The following GNG7 variants were observed in gnomAD, a reference collection of about 807,000 sequenced individuals.
GNG7 encodes G protein subunit gamma 7.
A neutral mutation model predicts 4.0 loss-of-function variants in GNG7; 1 was observed. That is an observed-to-expected ratio of 0.25 (90% CI 0.09 to 1.18). The LOEUF (loss-of-function observed/expected upper bound fraction) is 1.18, where lower values mean the gene tolerates loss of function less well. Among genes scored for constraint, GNG7 ranks in the 50% most tolerant of loss-of-function variants. GNG7 has a pLI of 0.50. For missense variants in GNG7, 86 were observed against 91.9 expected (o/e 0.94, Z 0.26); for synonymous variants, 34 against 36.9 (o/e 0.92, Z 0.29).
At chr19:2,538,383 G>A in intron 3 of GNG7, 2 of 425,674 alleles carry the variant, frequency 4.7e-6, no homozygotes, top group Admixed American at 5.0e-5. Context: ...ACCACTTTGG[G>A]AGGCCAAGGC....
At chr19:2,624,235 AAAAG>A (rs908387453) in intron 2 of GNG7, among the ~76,000 whole-genome samples, 5 of 152,128 alleles carry the variant, frequency 3.3e-5, no homozygotes, top group South Asian at 2.1e-4. Context: ...CACAATTAAA[AAAAG>A]AAAGAAAGGG....
At chr19:2,564,527 T>TG (rs1361312132) in intron 2 of GNG7, among the ~76,000 whole-genome samples, 1 of 152,100 alleles carries the variant, frequency 6.6e-6, no homozygotes, top group African/African-American at 2.4e-5. Flanking sequence ...TGAGCCAAGA[T>TG]GGTGCCACCG....
chr19:2,643,974 A>G, intron 2 of GNG7: 1 of 206,936 alleles, frequency 4.8e-6, no homozygotes, highest in South Asian at 7.0e-5. Context: ...TCATAAATAA[A>G]TATTATACAT....
intron 2 of GNG7, among the ~76,000 whole-genome samples, chr19:2,619,749 G>C (rs1348836215): frequency 6.6e-6 from 1 of 152,150 alleles, no homozygotes; most frequent in Non-Finnish European, 1.5e-5. Flanking sequence ...GGATGCGTGT[G>C]TGGCAGGGCT....
At chr19:2,577,515 G>A (rs779188219) in intron 2 of GNG7, among the ~76,000 whole-genome samples, 1 of 151,952 alleles carries the variant, frequency 6.6e-6, no homozygotes, top group Non-Finnish European at 1.5e-5. Context: ...AACCAGCAGG[G>A]GAGTGTCTTC....
intron 1 of GNG7, among the ~76,000 whole-genome samples, chr19:2,659,610 A>AAAAAAAAAAAAGAG (rs5826778): frequency 1.6e-5 from 2 of 121,450 alleles, no homozygotes; most frequent in African/African-American, 6.5e-5. Context: ...AAAAAAAAAA[A>AAAAAAAAAAAAGAG]AGAGAGGAGG....
intron 3 of GNG7, among the ~76,000 whole-genome samples, chr19:2,523,279 T>C (rs998133188): frequency 2.0e-5 from 3 of 151,330 alleles, no homozygotes; most frequent in African/African-American, 7.3e-5. Context: ...CAGCCAGGCA[T>C]GGTGGCTCTT....
intron 1 of GNG7, among the ~76,000 whole-genome samples, chr19:2,648,628 G>A (rs547890604): frequency 1.2e-3 from 181 of 152,298 alleles, no homozygotes; most frequent in African/African-American, 4.1e-3. Flanking sequence ...AATCCTCACT[G>A]TCACCTGCAG....
intron 2 of GNG7, among the ~76,000 whole-genome samples, chr19:2,625,523 TTC>T (rs545581188): frequency 2.6e-4 from 39 of 152,010 alleles, no homozygotes; most frequent in African/African-American, 8.9e-4. Flanking sequence ...TTAGCCAGAC[TTC>T]TCTCTTCTCC....
intron 1 of GNG7, among the ~76,000 whole-genome samples, chr19:2,671,275 C>G (rs1983445386): frequency 6.6e-6 from 1 of 151,856 alleles, no homozygotes; most frequent in Non-Finnish European, 1.5e-5. Context: ...CAACTCCCAG[C>G]AGCTCAGGAG....
chr19:2,667,425 C>T (rs1365656851), intron 1 of GNG7, among the ~76,000 whole-genome samples: 1 of 152,126 alleles, frequency 6.6e-6, no homozygotes, highest in East Asian at 1.9e-4. Flanking sequence ...ATCTTCTGTG[C>T]GTGAATACCT....
intron 1 of GNG7, among the ~76,000 whole-genome samples, chr19:2,665,209 G>A (rs754252199): frequency 6.6e-6 from 1 of 152,164 alleles, no homozygotes; most frequent in Non-Finnish European, 1.5e-5. Context: ...CCCAGGCACG[G>A]TGGACACTGG....
intron 3 of GNG7, among the ~76,000 whole-genome samples, chr19:2,549,837 G>C (rs1979258773): frequency 6.6e-6 from 1 of 152,192 alleles, no homozygotes; most frequent in African/African-American, 2.4e-5. Flanking sequence ...AAAGTTCCTT[G>C]TGACAGTGAG....
chr19:2,620,646 G>A (rs1338544406), intron 2 of GNG7, among the ~76,000 whole-genome samples: 1 of 152,176 alleles, frequency 6.6e-6, no homozygotes, highest in Non-Finnish European at 1.5e-5. Context: ...GGGACCTAGG[G>A]GTGAGCTTAT....
At chr19:2,590,844 TCCATCCACCCAC>T (rs1254035275) in intron 2 of GNG7, among the ~76,000 whole-genome samples, 2 of 148,910 alleles carry the variant, frequency 1.3e-5, no homozygotes, top group East Asian at 4.0e-4. Flanking sequence ...CATCCACTCA[TCCATCCACCCAC>T]CCATCCATTC....
intron 2 of GNG7, chr19:2,632,003 A>G (rs1172653298): frequency 6.6e-6 from 1 of 152,264 alleles, no homozygotes; most frequent in East Asian, 1.9e-4. Flanking sequence ...CAATAAGGAC[A>G]ACTAGCATCG....
At chr19:2,603,910 G>A (rs1360353016) in intron 2 of GNG7, among the ~76,000 whole-genome samples, 5 of 151,930 alleles carry the variant, frequency 3.3e-5, no homozygotes, top group African/African-American at 1.2e-4. Flanking sequence ...GAGTGCAGTG[G>A]TGCAATCTCG....
intron 2 of GNG7, among the ~76,000 whole-genome samples, chr19:2,580,966 T>C (rs1374031762): frequency 1.3e-5 from 2 of 151,926 alleles, no homozygotes; most frequent in African/African-American, 2.4e-5. Flanking sequence ...GGTTTCACCA[T>C]GTTGGCCAGG....
At chr19:2,522,679 A>C (rs1460971754) in intron 3 of GNG7, among the ~76,000 whole-genome samples, 1 of 133,204 alleles carries the variant, frequency 7.5e-6, no homozygotes, top group Non-Finnish European at 1.6e-5. Context: ...GTGAACCCGG[A>C]AGGCGGAGCT....
Sources: allele counts gnomAD v4.1 joint callset (sites outside exome capture counted in the v4.1 genomes callset), GRCh38; gene constraint gnomAD v4.1.1; transcripts MANE v1.5; gene names NCBI Gene and HGNC (gene_info 2026-07-23, HGNC 2026-07-21).